Variants in L3MBTL4 observed in about 807,000 individuals in gnomAD.
The protein encoded by L3MBTL4 is L3MBTL histone methyl-lysine binding protein 4.
In L3MBTL4, 70 loss-of-function variants were observed where a neutral mutation model predicts 84.5. That is an observed-to-expected ratio of 0.83 (90% confidence interval 0.68 to 1.01). The LOEUF (loss-of-function observed/expected upper bound fraction) is 1.01. Ranked by LOEUF, L3MBTL4 falls within the 50% of genes least tolerant of loss-of-function variation. The probability of loss-of-function intolerance (pLI) is 0.00; values close to 1 mark genes in which losing one functional copy is unlikely to be tolerated. For missense variants in L3MBTL4, 715 were observed against 754.8 expected, an observed-to-expected ratio of 0.95 and a Z score of 0.62; for synonymous variants, 274 against 259.8, an observed-to-expected ratio of 1.05 and a Z score of -0.52.
intron 16 of L3MBTL4, among the ~76,000 whole-genome samples, chr18:6,042,721 G>A (rs1056765343): frequency 3.9e-5 from 6 of 152,118 alleles, no homozygotes; most frequent in Non-Finnish European, 5.9e-5. Flanking sequence ...TTGAGTGTTA[G>A]TCTCTCAGGT....
At chr18:6,325,409 T>C (rs1021663821) in intron 1 of L3MBTL4, among the ~76,000 whole-genome samples, 2 of 152,150 alleles carry the variant, frequency 1.3e-5, no homozygotes, top group African/African-American at 4.8e-5. Flanking sequence ...GAACTCAAAC[T>C]CCTGAGCTCA....
intron 12 of L3MBTL4, among the ~76,000 whole-genome samples, chr18:6,182,033 T>A (rs72875716): frequency 9.5e-4 from 144 of 152,344 alleles, no homozygotes; most frequent in Non-Finnish European, 1.8e-3. Context: ...GACTGCTGGG[T>A]TGAATGGCAA....
In L3MBTL4 at chr18:6,095,540, C is replaced by T. The variant is rs139393390; in HGVS notation, c.1200-2012G>A. Among the ~76,000 whole-genome samples, 105 of 152,030 alleles carry T rather than the reference C, an allele frequency of 6.9e-4. 1 individual carries two copies. In the East Asian group the frequency reaches 0.017, roughly 25 times the overall value. ...TAATTTTTTGTATTTTTAGTAGAGA[C>T]GGGGTTTCAACGTGTTAGCCAGGAC... On this transcript the variant is annotated intron_variant, in intron 14 of 18. Coordinates refer to ENST00000317931, the MANE Select transcript of L3MBTL4 (RefSeq NM_001330559.2).
At chr18:5,993,545 G>GGT (rs1555625146) in intron 16 of L3MBTL4, among the ~76,000 whole-genome samples, 1 of 142,996 alleles carries the variant, frequency 7.0e-6, no homozygotes, top group African/African-American at 2.5e-5. Context: ...TCTAGAGCAA[G>GGT]TTTTTTTTCC....
chr18:6,212,118 G>C (rs1407179874), intron 12 of L3MBTL4, among the ~76,000 whole-genome samples: 2 of 152,018 alleles, frequency 1.3e-5, no homozygotes, highest in African/African-American at 4.8e-5. Flanking sequence ...TTAATAAGAA[G>C]GTATATGGTA....
intron 1 of L3MBTL4, among the ~76,000 whole-genome samples, chr18:6,387,904 C>A (rs940165617): frequency 6.6e-6 from 1 of 152,098 alleles, no homozygotes; most frequent in Non-Finnish European, 1.5e-5. Flanking sequence ...CTTTCCCATG[C>A]AAACGTCAAC....
At chr18:6,271,008 G>T (rs1216609254) in intron 4 of L3MBTL4, among the ~76,000 whole-genome samples, 1 of 152,140 alleles carries the variant, frequency 6.6e-6, no homozygotes, top group Non-Finnish European at 1.5e-5. Context: ...CTAAACAAAG[G>T]GGGGCATGCA....
chr18:6,166,039 A>G (rs145653030), intron 13 of L3MBTL4, among the ~76,000 whole-genome samples: 10,969 of 152,092 alleles, frequency 0.072, 1,315 homozygotes, highest in African/African-American at 0.25. Context: ...TCCTAGTCTC[A>G]GATAAAACAG....
At chr18:6,345,132 G>A (rs1409803929) in intron 1 of L3MBTL4, among the ~76,000 whole-genome samples, 1 of 150,380 alleles carries the variant, frequency 6.6e-6, no homozygotes, top group South Asian at 2.1e-4. Context: ...CACTTTGGGA[G>A]GCCTAGGTGG....
chr18:6,185,779 C>A (rs2044696764), intron 12 of L3MBTL4, among the ~76,000 whole-genome samples: 1 of 152,042 alleles, frequency 6.6e-6, no homozygotes, highest in Non-Finnish European at 1.5e-5. Flanking sequence ...GGTAAAGAGG[C>A]CACCGAAGGA....
At chr18:6,188,268 T>C (rs1176320704) in intron 12 of L3MBTL4, among the ~76,000 whole-genome samples, 2 of 151,168 alleles carry the variant, frequency 1.3e-5, no homozygotes, top group Non-Finnish European at 2.9e-5. Flanking sequence ...CACATATTTT[T>C]ACAAGTATAA....
intron 1 of L3MBTL4, among the ~76,000 whole-genome samples, chr18:6,371,992 A>G (rs757761056): frequency 1.8e-4 from 28 of 152,320 alleles, no homozygotes; most frequent in Non-Finnish European, 3.4e-4. Context: ...GTTGGGAGAG[A>G]CAGTGCTCCT....
intron 10 of L3MBTL4, among the ~76,000 whole-genome samples, chr18:6,226,768 T>G (rs998266279): frequency 6.6e-6 from 1 of 151,990 alleles, no homozygotes; most frequent in Admixed American, 6.6e-5. Flanking sequence ...ATACTGAAGG[T>G]AAAATGGAAG....
At chr18:5,993,865 T>C (rs2053819946) in intron 16 of L3MBTL4, among the ~76,000 whole-genome samples, 1 of 152,188 alleles carries the variant, frequency 6.6e-6, no homozygotes, top group Admixed American at 6.5e-5. Context: ...ACAATGCAGT[T>C]CTTTCTGGGT....
At chr18:5,982,080 A>C (rs966354976) in intron 16 of L3MBTL4, among the ~76,000 whole-genome samples, 2 of 152,076 alleles carry the variant, frequency 1.3e-5, no homozygotes, top group South Asian at 2.1e-4. Context: ...AGTAACTTGC[A>C]TAAGTTAAAG....
intron 16 of L3MBTL4, among the ~76,000 whole-genome samples, chr18:6,045,285 A>G (rs373258980): frequency 6.6e-6 from 1 of 152,344 alleles, no homozygotes; most frequent in African/African-American, 2.4e-5. Context: ...TCACCAAATT[A>G]AACTTCAAAG....
intron 13 of L3MBTL4, among the ~76,000 whole-genome samples, chr18:6,146,917 G>T (rs565180745): frequency 2.0e-5 from 3 of 152,126 alleles, no homozygotes; most frequent in African/African-American, 7.2e-5. Context: ...ACCTATGTGT[G>T]CAGATGATGG....
At chr18:6,030,742 C>T (rs1372699019) in intron 16 of L3MBTL4, 2 of 976,464 alleles carry the variant, frequency 2.0e-6, no homozygotes, top group African/African-American at 1.8e-5. Flanking sequence ...CTCTCTACTC[C>T]CTATTTCGTT....
intron 14 of L3MBTL4, among the ~76,000 whole-genome samples, chr18:6,095,520 T>A (rs189578676): frequency 1.8e-4 from 28 of 152,034 alleles, no homozygotes; most frequent in Non-Finnish European, 3.2e-4. Flanking sequence ...CCGGCTAATT[T>A]TTTGTATTTT....
Sources: gnomAD v4.1 joint callset for allele counts (sites outside exome capture counted in the v4.1 genomes callset) on GRCh38, gnomAD v4.1.1 for gene constraint, MANE v1.5 for transcripts, NCBI Gene and HGNC (gene_info 2026-07-23, HGNC 2026-07-21) for gene names.